SRPK2: variants seen among roughly 807,000 people sequenced by gnomAD.
SRPK2 encodes the protein SFRS protein kinase 2.
Under a neutral mutation model 90.8 loss-of-function variants are expected in SRPK2, and 21 were observed. The observed-to-expected ratio is 0.23, with a 90% CI of 0.16 to 0.33. SRPK2 has a LOEUF of 0.33. Among genes scored for constraint, SRPK2 ranks in the 10% least tolerant of loss-of-function variants. SRPK2 has a pLI of 1.00. For missense variants in SRPK2, 620 were observed against 869.0 expected (o/e 0.71, Z 3.60); for synonymous variants, 288 against 311.1 (o/e 0.93, Z 0.78).
At chr7:105,390,404 T>C (rs1822128233), upstream of SRPK2, among the ~76,000 whole-genome samples, 3 of 152,050 alleles carry the variant, frequency 2.0e-5, no homozygotes, top group Admixed American at 2.0e-4. Context: ...GAATCATTCT[T>C]GGTTTTGTGT....
intron 2 of SRPK2, among the ~76,000 whole-genome samples, chr7:105,346,813 C>G (rs1318610105): frequency 1.3e-5 from 2 of 148,850 alleles, no homozygotes; most frequent in Middle Eastern, 6.3e-3. Context: ...TTTCACAACT[C>G]TAGTTACTGA....
chr7:105,226,258 T>A lies in SRPK2; in HGVS notation c.72-22473A>T, dbSNP rs555075464. 7.8e-3 allele frequency among the ~76,000 whole-genome samples: 1,177 copies of A among 151,796 alleles called. 7 individuals are homozygous for A. The highest frequency in any genetic ancestry group is 0.014 in the Admixed American group (208 of 15,244). ...ATATATTTTGCTTGATTTTTTTTTT[T>A]AAAAAACGCACTATATATGTGCTCA... On this transcript the variant is annotated intron_variant, in intron 2 of 15. Transcript: ENST00000393651.
At chr7:105,186,001 G>C (rs1331369431) in intron 3 of SRPK2, among the ~76,000 whole-genome samples, 4 of 152,312 alleles carry the variant, frequency 2.6e-5, no homozygotes, top group South Asian at 2.1e-4. Context: ...TCTTTTTATA[G>C]ATTTTATTCC....
Position 105,329,770 on chromosome 7 carries a change from C to A in SRPK2, c.71+58878G>T, listed in dbSNP as rs556212107. Reference sequence around the variant, plus strand: ...GAACACCCGGCATGGTGGCTCATGCCTATAATCCCAGGACTTTAGGAGGCC... The same window carrying A: ...GAACACCCGGCATGGTGGCTCATGCATATAATCCCAGGACTTTAGGAGGCC... On this transcript the variant is annotated intron_variant, in intron 2 of 15. Transcript: ENST00000393651. Among the ~76,000 whole-genome samples the A allele has an allele frequency of 1.2e-4, 19 of 152,122 alleles. No homozygotes were observed. In the South Asian group the frequency reaches 3.1e-3, roughly 25 times the overall value.
At chr7:105,176,745 GTATA>G (rs1313007015) in intron 3 of SRPK2, among the ~76,000 whole-genome samples, 1 of 92,154 alleles carries the variant, frequency 1.1e-5, no homozygotes. Flanking sequence ...ATGTATGTGT[GTATA>G]TGTGTGTGTG....
intron 2 of SRPK2, among the ~76,000 whole-genome samples, chr7:105,374,139 C>A (rs562294641): frequency 2.0e-5 from 3 of 152,180 alleles, no homozygotes; most frequent in East Asian, 1.9e-4. Context: ...GTTGGCCAGG[C>A]TGGTCTCAAA....
chr7:105,246,847 T>G (rs953351756), intron 2 of SRPK2, among the ~76,000 whole-genome samples: 1 of 152,248 alleles, frequency 6.6e-6, no homozygotes, highest in Non-Finnish European at 1.5e-5. Flanking sequence ...TTCCCTGAAC[T>G]GTCAGAGAGA....
At chr7:105,384,173 C>T (rs573962842) in intron 2 of SRPK2, among the ~76,000 whole-genome samples, 40 of 152,100 alleles carry the variant, frequency 2.6e-4, no homozygotes, top group African/African-American at 8.9e-4. Flanking sequence ...AAAATTGTAC[C>T]TCCATATAAA....
At chr7:105,231,455 G>A (rs1383294856) in intron 2 of SRPK2, among the ~76,000 whole-genome samples, 1 of 152,138 alleles carries the variant, frequency 6.6e-6, no homozygotes, top group Non-Finnish European at 1.5e-5. Flanking sequence ...GGAGTCGAAT[G>A]GTAGTTCTGT....
chr7:105,208,506 T>C (rs1055094701), intron 2 of SRPK2, among the ~76,000 whole-genome samples: 3 of 152,272 alleles, frequency 2.0e-5, no homozygotes, highest in African/African-American at 7.2e-5. Flanking sequence ...CTCCAAAACC[T>C]TATGCTGGGT....
chr7:105,193,884 T>C (rs1794604506), intron 3 of SRPK2, among the ~76,000 whole-genome samples: 1 of 152,202 alleles, frequency 6.6e-6, no homozygotes, highest in Non-Finnish European at 1.5e-5. Flanking sequence ...GCAATGAAAG[T>C]CAAAGGTTTT....
At chr7:105,383,423 T>A (rs909619677) in intron 2 of SRPK2, among the ~76,000 whole-genome samples, 6 of 150,162 alleles carry the variant, frequency 4.0e-5, no homozygotes, top group African/African-American at 1.5e-4. Flanking sequence ...AACAGAATTT[T>A]TTTTTTTTTT....
intron 3 of SRPK2, among the ~76,000 whole-genome samples, chr7:105,170,365 A>G (rs1014765023): frequency 1.3e-5 from 2 of 152,006 alleles, no homozygotes; most frequent in African/African-American, 4.8e-5. Flanking sequence ...TCTTCTGCCA[A>G]CTCCTAACTC....
upstream of SRPK2, among the ~76,000 whole-genome samples, chr7:105,391,183 AATTT>A (rs67760645): frequency 0.033 from 4,853 of 148,380 alleles, 271 homozygotes; most frequent in African/African-American, 0.11. Context: ...ATGACTATAA[AATTT>A]ATTTATTTAT....
intron 2 of SRPK2, among the ~76,000 whole-genome samples, chr7:105,253,309 T>C (rs1802746187): frequency 1.3e-5 from 2 of 152,230 alleles, no homozygotes; most frequent in Non-Finnish European, 1.5e-5. Flanking sequence ...GCATATCTTA[T>C]AGCCTTCCAT....
intron 7 of SRPK2, 91 bp from the exon 8 acceptor site, chr7:105,146,749 G>T: frequency 7.5e-7 from 1 of 1,339,364 alleles, no homozygotes; most frequent in African/African-American, 1.5e-5. Context: ...TACAATGCCA[G>T]GGTACAAAGT....
chr7:105,261,913 A>G (rs73715545), intron 2 of SRPK2, among the ~76,000 whole-genome samples: 5,419 of 152,234 alleles, frequency 0.036, 337 homozygotes, highest in African/African-American at 0.12. Flanking sequence ...TGGGAACAGC[A>G]AAACAGCCAG....
chr7:105,332,635 G>A (rs1814564648), intron 2 of SRPK2, among the ~76,000 whole-genome samples: 1 of 151,352 alleles, frequency 6.6e-6, no homozygotes, highest in East Asian at 2.0e-4. Context: ...GTGGTGGTGG[G>A]TACCTGTTAA....
At chr7:105,219,076 C>T (rs563658696) in intron 2 of SRPK2, among the ~76,000 whole-genome samples, 19 of 152,166 alleles carry the variant, frequency 1.2e-4, no homozygotes, top group Non-Finnish European at 2.5e-4. Context: ...AGCACTACAA[C>T]CAGGGGCGGG....
Sources: allele counts gnomAD v4.1 joint callset (sites outside exome capture counted in the v4.1 genomes callset), GRCh38; gene constraint gnomAD v4.1.1; transcripts MANE v1.5; gene names NCBI Gene and HGNC (gene_info 2026-07-23, HGNC 2026-07-21).